Variants in ITGB2 observed in about 807,000 individuals in gnomAD.
The protein encoded by ITGB2 is integrin beta-2.
ITGB2 carries 56 observed loss-of-function variants against 86.8 expected under a neutral mutation model. The observed-to-expected ratio is 0.65, with a 90% CI of 0.52 to 0.81. The LOEUF is 0.81. ITGB2 is among the 30% of genes least tolerant of loss of function. The pLI, the probability that ITGB2 is intolerant of heterozygous loss-of-function variation, is 0.00. For synonymous variants in ITGB2, 457 were observed against 450.4 expected, an observed-to-expected ratio of 1.01 and a Z score of -0.19; for missense variants, 948 against 1,061.2, an observed-to-expected ratio of 0.89 and a Z score of 1.48.
chr21:44,890,370 CG>C, intron 11 of ITGB2, 148 bp from the exon 12 acceptor site: 3 of 1,007,980 alleles, frequency 3.0e-6, no homozygotes, highest in Non-Finnish European at 4.4e-6. Flanking sequence ...GCACTTGCCA[CG>C]GACTAAATGT....
intron 14 of ITGB2, among the ~76,000 whole-genome samples, chr21:44,887,228 G>A (rs1485059483): frequency 5.3e-5 from 8 of 152,178 alleles, no homozygotes; most frequent in Non-Finnish European, 7.4e-5. Context: ...GAGGGACCCC[G>A]CTCTCCTACA....
chr21:44,911,282 A>G (rs2084128050), intron 1 of ITGB2: 1 of 229,038 alleles, frequency 4.4e-6, no homozygotes, highest in East Asian at 1.1e-4. Context: ...GCACACGTAC[A>G]CACACATACA....
In ITGB2 at chr21:44,901,473, G is replaced by T. The variant is rs73374602; in HGVS notation, c.741+19C>A. 6.2e-7 allele frequency: 1 copy of T among 1,612,870 alleles called. No homozygotes were observed. On this transcript the variant is annotated intron_variant, in intron 6 of 15. Transcript: ENST00000652462. ...ACACTGGGGGAACGTGGGGACCCAA[G>T]CAGGGGCAGCGGCCTCACCGGGCAG...
chr21:44,908,304 A>G, intron 3 of ITGB2: 1 of 486,330 alleles, frequency 2.1e-6, no homozygotes, highest in South Asian at 3.9e-5. Context: ...AAGACAGGAG[A>G]AAAGAGAGAA....
chr21:44,894,467 CA>C (rs1483776416), intron 9 of ITGB2: 8 of 214,380 alleles, frequency 3.7e-5, no homozygotes, highest in Non-Finnish European at 6.7e-5. Flanking sequence ...ATGGGCTCCC[CA>C]GGGGAGCAGC....
intron 1 of ITGB2, among the ~76,000 whole-genome samples, chr21:44,912,252 G>A (rs963316816): frequency 1.3e-4 from 20 of 152,166 alleles, no homozygotes; most frequent in African/African-American, 3.1e-4. Context: ...AGGGCCTGCC[G>A]GCTTTGAAGA....
At chr21:44,923,669 G>A (rs557829695), upstream of ITGB2, among the ~76,000 whole-genome samples, 233 of 152,312 alleles carry the variant, frequency 1.5e-3, no homozygotes, top group Non-Finnish European at 2.7e-3. Flanking sequence ...TAAAGTTCCC[G>A]TTTTGCAAGA....
Position 44,886,018 on chromosome 21 carries a change from AT to A in ITGB2, c.*349del, listed in dbSNP as rs145404701. 4,060 of 368,236 alleles carry A rather than the reference AT, an allele frequency of 0.011. 131 individuals are homozygous for A. Among genetic ancestry groups the A allele is most frequent in the African/African-American group, 0.066 (3,195 of 48,082 alleles). 22.8% of individuals were successfully genotyped at this position (368,236 alleles called of 1,614,324 possible). A position where few individuals can be genotyped will look rare whatever the true frequency, so the allele number is the denominator to read the frequency against. On this transcript the variant is annotated 3_prime_UTR_variant, in exon 16 of 16. Transcript: ENST00000652462. ...ATACACGTGATTGATTAACAATATA[AT>A]TAATGGGATGTCATTTTATACCCTG...
At chr21:44,914,613 A>C (rs1189070435) in intron 1 of ITGB2, among the ~76,000 whole-genome samples, 2 of 152,174 alleles carry the variant, frequency 1.3e-5, no homozygotes, top group Non-Finnish European at 2.9e-5. Flanking sequence ...CGAGGACAGG[A>C]GAACAGGAGC....
chr21:44,890,335 T>G (rs2083769185), intron 11 of ITGB2, 113 bp from the exon 12 acceptor site: 1 of 1,418,128 alleles, frequency 7.1e-7, no homozygotes, highest in South Asian at 1.2e-5. Context: ...CTATGGCACA[T>G]TTTGCTTTCC....
intron 8 of ITGB2, among the ~76,000 whole-genome samples, chr21:44,897,598 G>A (rs2083888346): frequency 6.6e-6 from 1 of 152,220 alleles, no homozygotes; most frequent in African/African-American, 2.4e-5. Context: ...TCACAGATGA[G>A]GAAACTGAGG....
chr21:44,887,389 G>A (rs921263712), intron 14 of ITGB2, among the ~76,000 whole-genome samples: 9 of 152,108 alleles, frequency 5.9e-5, no homozygotes, highest in African/African-American at 2.2e-4. Context: ...TGGTTCCCAC[G>A]GCAGCTGTGC....
chr21:44,920,320 A>C (rs997373055), intron 1 of ITGB2, among the ~76,000 whole-genome samples: 4 of 152,044 alleles, frequency 2.6e-5, no homozygotes, highest in Non-Finnish European at 4.4e-5. Context: ...ACGACACTAC[A>C]CACCACGAAC....
Position 44,896,416 on chromosome 21 carries a change from C to T in ITGB2, c.994-1356G>A, listed in dbSNP as rs148080679. Among the ~76,000 whole-genome samples the T allele has an allele frequency of 1.8e-3, 275 of 152,342 alleles. 12 individuals are homozygous for T. The South Asian group carries it at 0.054, about 30-fold the overall frequency. ...GATGCACAGGGGCGCAGCCAGCCTCCCCCATGCTCACACATGCTCAGCTTC... is the reference window on the plus strand; with the variant it reads ...GATGCACAGGGGCGCAGCCAGCCTCTCCCATGCTCACACATGCTCAGCTTC... On this transcript the variant is annotated intron_variant, in intron 8 of 15. Coordinates refer to ENST00000652462, the MANE Select transcript of ITGB2 (RefSeq NM_000211.5).
chr21:44,890,380 G>A (rs1006099883), intron 11 of ITGB2, among the ~76,000 whole-genome samples, 158 bp from the exon 12 acceptor site: 1 of 152,224 alleles, frequency 6.6e-6, no homozygotes, highest in African/African-American at 2.4e-5. Flanking sequence ...CGGACTAAAT[G>A]TGCTCAAAAC....
rs545404093 is a variant in ITGB2, at chr21:44,892,065, C to G, written c.1225-69G>C. ...GGGTGGCAGCCCAGCTCCCAACCCT[C>G]ACCTCCTGGCCTCTGCAGGGGTCCT... On this transcript the variant is annotated intron_variant, in intron 10 of 15. Transcript: ENST00000652462. The G allele has an allele frequency of 2.1e-5, 31 of 1,501,276 alleles. No homozygotes were observed. In the East Asian group the frequency reaches 6.1e-4, roughly 30 times the overall value. 93.0% of individuals were successfully genotyped at this position (1,501,276 alleles called of 1,614,324 possible).
Position 44,903,371 on chromosome 21 carries a change from G to C in ITGB2, c.493C>G (p.Arg165Gly), listed in dbSNP as rs759935924. 6.2e-7 allele frequency: 1 copy of C among 1,614,070 alleles called. No individual in the cohort carries two copies. The highest frequency in any genetic ancestry group is 1.3e-5 in the African/African-American group (1 of 75,020). The change falls in exon 5 of 16, where the codon CGC (arginine) becomes GGC (glycine). Residue 165 changes from arginine to glycine, a missense_variant. Transcript: ENST00000652462. ...RALNEITESG[R>G]IGFGSFVDKT... The stretch of plus-strand genomic sequence containing the variant: ...TGCAGTGCCTGGGCCTCACCAATGC[G>C]GCCGGACTCGGTGATCTCGTTGAGG...
chr21:44,888,185 G>T (rs954825974), intron 14 of ITGB2, among the ~76,000 whole-genome samples: 45 of 152,346 alleles, frequency 3.0e-4, no homozygotes, highest in African/African-American at 1.0e-3. Flanking sequence ...GTGGGGCTGG[G>T]ACTGGTTCCG....
chr21:44,891,461 G>A (rs573721880), intron 11 of ITGB2, among the ~76,000 whole-genome samples: 1 of 152,342 alleles, frequency 6.6e-6, no homozygotes, highest in South Asian at 2.1e-4. Flanking sequence ...TCAAGGCCAT[G>A]GGCACGCCCA....
Sources: allele counts gnomAD v4.1 joint callset (sites outside exome capture counted in the v4.1 genomes callset), GRCh38; gene constraint gnomAD v4.1.1; transcripts MANE v1.5; gene names NCBI Gene and HGNC (gene_info 2026-07-23, HGNC 2026-07-21).